Variants in ZBTB16 observed in about 807,000 individuals in gnomAD.
ZBTB16 encodes zinc finger and BTB domain-containing protein 16.
A neutral mutation model predicts 56.8 loss-of-function variants in ZBTB16; 8 were observed. The ratio of observed to expected loss-of-function variants is 0.14; its 90% CI spans 0.08 to 0.25. The LOEUF (loss-of-function observed/expected upper bound fraction) is 0.25, where lower values mean the gene tolerates loss of function less well. Ranked by LOEUF, ZBTB16 falls within the 10% of genes least tolerant of loss-of-function variation. The pLI, the probability that ZBTB16 is intolerant of heterozygous loss-of-function variation, is 1.00. For missense variants in ZBTB16, 625 were observed against 903.0 expected, an observed-to-expected ratio of 0.69 and a Z score of 3.95; for synonymous variants, 363 against 368.5, an observed-to-expected ratio of 0.98 and a Z score of 0.17.
chr11:114,221,249 G>C (rs1944227420), intron 4 of ZBTB16, among the ~76,000 whole-genome samples: 1 of 152,186 alleles, frequency 6.6e-6, no homozygotes, highest in Non-Finnish European at 1.5e-5. Flanking sequence ...TTTCTATGAA[G>C]ATCTTAATTA....
At chr11:114,171,270 T>C (rs955120523) in intron 3 of ZBTB16, among the ~76,000 whole-genome samples, 7 of 152,248 alleles carry the variant, frequency 4.6e-5, no homozygotes, top group Non-Finnish European at 1.0e-4. Flanking sequence ...CCAGCGTATG[T>C]AGGACTGTGA....
chr11:114,213,090 G>A (rs1944028193), intron 4 of ZBTB16, among the ~76,000 whole-genome samples: 1 of 152,018 alleles, frequency 6.6e-6, no homozygotes, highest in South Asian at 2.1e-4. Context: ...GCCATCCAGA[G>A]CTGTGACTGG....
At chr11:114,128,389 G>A (rs1941571535) in intron 2 of ZBTB16, among the ~76,000 whole-genome samples, 1 of 152,242 alleles carries the variant, frequency 6.6e-6, no homozygotes, top group South Asian at 2.1e-4. Context: ...TGGGCACAGT[G>A]GGGTGAAGTG....
chr11:114,119,849 A>G (rs79103945), intron 2 of ZBTB16, among the ~76,000 whole-genome samples: 9 of 152,336 alleles, frequency 5.9e-5, no homozygotes, highest in Non-Finnish European at 1.0e-4. Context: ...ACAGCTAGCA[A>G]GCGGTGGAGC....
At chr11:114,153,456 C>T (rs1298790904) in intron 2 of ZBTB16, among the ~76,000 whole-genome samples, 2 of 152,174 alleles carry the variant, frequency 1.3e-5, no homozygotes, top group South Asian at 2.1e-4. Flanking sequence ...GAGGATTAGA[C>T]AGGATAGGAC....
chr11:114,120,934 C>T (rs541240750), intron 2 of ZBTB16, among the ~76,000 whole-genome samples: 1 of 152,146 alleles, frequency 6.6e-6, no homozygotes, highest in African/African-American at 2.4e-5. Context: ...CAGCCTTGGC[C>T]GCTTCAAGAT....
At chr11:114,106,884 G>A (rs191324428) in intron 2 of ZBTB16, among the ~76,000 whole-genome samples, 207 of 152,244 alleles carry the variant, frequency 1.4e-3, no homozygotes, top group African/African-American at 4.8e-3. Context: ...ATTTTGTAAT[G>A]GAAGTTCCCC....
In ZBTB16 at chr11:114,250,671, A is replaced by C; in HGVS notation, c.*116A>C. The C allele has an allele frequency of 2.5e-6, 3 of 1,212,658 alleles. No individual in the cohort carries two copies. Among genetic ancestry groups the C allele is most frequent in the South Asian group, 1.4e-5 (1 of 71,536 alleles). The allele number at this position is 1,212,658 out of a possible 1,614,324, so 75.1% of individuals were successfully genotyped here. ...AAAGAAAAAAAAAAACAGAAGGAAA[A>C]GGAAACCTGGTAGCTTTTTGGCCTT... On this transcript the variant is annotated 3_prime_UTR_variant, in exon 7 of 7. Coordinates refer to ENST00000335953, the MANE Select transcript of ZBTB16 (RefSeq NM_006006.6). The surrounding 1 kb of genome is among the most constrained non-coding windows in gnomAD (Gnocchi z 6.0).
chr11:114,187,619 G>C (rs532835181), intron 4 of ZBTB16: 14 of 168,148 alleles, frequency 8.3e-5, no homozygotes, highest in African/African-American at 2.6e-4. Context: ...CATCACAGCA[G>C]CTCACACTTA....
intron 2 of ZBTB16, among the ~76,000 whole-genome samples, chr11:114,151,483 CT>C (rs140449383): frequency 0.026 from 3,958 of 152,306 alleles, 195 homozygotes; most frequent in East Asian, 0.2. Context: ...CTCCCATTCA[CT>C]TTTCCCAATT....
chr11:114,128,263 G>A (rs1941566512), intron 2 of ZBTB16, among the ~76,000 whole-genome samples: 1 of 152,182 alleles, frequency 6.6e-6, no homozygotes, highest in Non-Finnish European at 1.5e-5. Context: ...GAAGGGCAGT[G>A]ACCCTGCATG....
At chr11:114,158,616 A>G (rs1051888125) in intron 3 of ZBTB16, among the ~76,000 whole-genome samples, 10 of 152,168 alleles carry the variant, frequency 6.6e-5, no homozygotes, top group African/African-American at 1.9e-4. Flanking sequence ...GCGGGGTTAC[A>G]TGGTGGAAGG....
At position 114,064,489 on chromosome 11, in the gene ZBTB16, T is replaced by G. The variant is rs1254583150; in HGVS notation, c.1189T>G (p.Ser397Ala). ...GGGGGAGCTGGCTGTGGGCATGAAG[T>G]CAGAGAGCCGGACCATCGGAGAGCA... ...KLGELAVGMK[S>A]ESRTIGEQCS... The change falls in exon 2 of 7, where the codon TCA (serine) becomes GCA (alanine). Residue 397 changes from serine to alanine, a missense_variant. Physicochemically the swap from Ser to Ala is moderately conservative, Grantham distance 99 (BLOSUM62 1). Coordinates refer to ENST00000335953, the MANE Select transcript of ZBTB16 (RefSeq NM_006006.6). This position sits in a 1 kb window ranked among gnomAD's most constrained non-coding sequence, Gnocchi z 4.2. 1.1e-5 allele frequency: 17 copies of G among 1,613,930 alleles called. No individual in the cohort carries two copies. The highest frequency in any genetic ancestry group is 1.4e-5 in the Non-Finnish European group (17 of 1,180,036).
intron 4 of ZBTB16, among the ~76,000 whole-genome samples, chr11:114,233,125 ACT>A (rs34864436): frequency 0.026 from 1,444 of 54,722 alleles, 51 homozygotes; most frequent in Middle Eastern, 0.061. Context: ...ACACACACAC[ACT>A]CTCTCTCTCT....
In ZBTB16 at chr11:114,246,228, G is replaced by C. The variant is rs73007089; in HGVS notation, c.1625-970G>C. On this transcript the variant is annotated intron_variant, in intron 5 of 6. Transcript: ENST00000335953. ...GTGAGGCTTGCTTCTTATCCTGGTG[G>C]TGCTTCCATGCTGGAGGTATGGTGG... 9.7e-3 allele frequency among the ~76,000 whole-genome samples: 1,480 copies of C among 152,268 alleles called. 15 individuals are homozygous for C. The highest frequency in any genetic ancestry group is 0.016 in the Non-Finnish European group (1,097 of 68,012).
At chr11:114,180,456 C>T (rs1036478458) in intron 3 of ZBTB16, among the ~76,000 whole-genome samples, 2 of 152,168 alleles carry the variant, frequency 1.3e-5, no homozygotes, top group Admixed American at 6.5e-5. Flanking sequence ...TTGGCTGCCA[C>T]AGTGAGCATT....
chr11:114,198,670 G>T (rs1228471012), intron 4 of ZBTB16, among the ~76,000 whole-genome samples: 3 of 152,184 alleles, frequency 2.0e-5, no homozygotes, highest in Non-Finnish European at 4.4e-5. Flanking sequence ...TCACACGCAA[G>T]TGCACAGCCT....
chr11:114,140,556 G>C (rs1338164033), intron 2 of ZBTB16, among the ~76,000 whole-genome samples: 1 of 152,238 alleles, frequency 6.6e-6, no homozygotes, highest in East Asian at 1.9e-4. Flanking sequence ...CTGAAGGAAA[G>C]AAGTGTAGCT....
intron 4 of ZBTB16, chr11:114,188,586 G>T (rs918576496): frequency 6.6e-6 from 1 of 152,178 alleles, no homozygotes; most frequent in East Asian, 1.9e-4. Context: ...TCAATAAATA[G>T]TAGTAGGTAT....
Sources: gnomAD v4.1 joint callset for allele counts (sites outside exome capture counted in the v4.1 genomes callset) on GRCh38, gnomAD v4.1.1 for gene constraint, Gnocchi (gnomAD v3.1) non-coding constraint, MANE v1.5 for transcripts, NCBI Gene and HGNC (gene_info 2026-07-23, HGNC 2026-07-21) for gene names.